The following NECTIN2 variants were observed in gnomAD, a reference collection of about 807,000 sequenced individuals.
NECTIN2 encodes the protein nectin cell adhesion molecule 2, also known as nectin-2.
NECTIN2 carries 23 observed loss-of-function variants against 56.9 expected under a neutral mutation model. The ratio of observed to expected loss-of-function variants is 0.40; its 90% CI spans 0.29 to 0.57. The LOEUF (loss-of-function observed/expected upper bound fraction) is 0.57. Among genes scored for constraint, NECTIN2 ranks in the 20% least tolerant of loss-of-function variants. NECTIN2 has a pLI of 0.38. For missense variants in NECTIN2, 587 were observed against 718.3 expected (o/e 0.82, Z 2.09); for synonymous variants, 302 against 313.8 (o/e 0.96, Z 0.40).
intron 2 of NECTIN2, among the ~76,000 whole-genome samples, chr19:44,868,484 T>G (rs1969130858): frequency 6.6e-6 from 1 of 150,646 alleles, no homozygotes; most frequent in South Asian, 2.1e-4. Flanking sequence ...TTTTTTTTCT[T>G]TTTTTGAGAC....
intron 1 of NECTIN2, among the ~76,000 whole-genome samples, chr19:44,860,771 T>G (rs1440160134): frequency 6.6e-6 from 1 of 151,900 alleles, no homozygotes; most frequent in Non-Finnish European, 1.5e-5. Flanking sequence ...ATATTTTTAG[T>G]AGAGACAGGG....
chr19:44,876,822 C>T (rs1969244475), intron 5 of NECTIN2, among the ~76,000 whole-genome samples: 1 of 152,198 alleles, frequency 6.6e-6, no homozygotes, highest in Non-Finnish European at 1.5e-5. Context: ...TCAAAGCATT[C>T]CTCCAGCTTT....
intron 1 of NECTIN2, among the ~76,000 whole-genome samples, chr19:44,864,428 AG>A (rs1205107934): frequency 6.6e-6 from 1 of 152,162 alleles, no homozygotes; most frequent in Non-Finnish European, 1.5e-5. Flanking sequence ...CCTAGGCTCA[AG>A]CATTCCTCCC....
At chr19:44,879,849 G>A (rs1445326894) in intron 5 of NECTIN2, among the ~76,000 whole-genome samples, 1 of 152,178 alleles carries the variant, frequency 6.6e-6, no homozygotes, top group Non-Finnish European at 1.5e-5. Flanking sequence ...ACCAAGCCCT[G>A]TGCCAGGCAG....
Position 44,865,003 on chromosome 19 carries a change from T to C in NECTIN2, c.89-268T>C, listed in dbSNP as rs1372342984. ...TGTGTGCACAGCCACAATTTAATTA[T>C]CACACCTCGGAACATGAACAGCAAT... is the stretch of plus-strand genomic sequence containing the variant. On this transcript the variant is annotated intron_variant, in intron 1 of 8. Coordinates refer to ENST00000252483, the MANE Select transcript of NECTIN2 (RefSeq NM_001042724.2). This position sits in a 1 kb window ranked among gnomAD's most constrained non-coding sequence, Gnocchi z 5.2. Among the ~76,000 whole-genome samples the C allele has an allele frequency of 6.6e-6, 1 of 152,210 alleles. No homozygotes were observed. Among genetic ancestry groups the C allele is most frequent in the Non-Finnish European group, 1.5e-5 (1 of 68,046 alleles).
At chr19:44,848,688 C>T (rs576356327) in intron 1 of NECTIN2, among the ~76,000 whole-genome samples, 2 of 151,874 alleles carry the variant, frequency 1.3e-5, no homozygotes, top group African/African-American at 4.8e-5. Context: ...TCTCCCCTCC[C>T]CCTCCCTGTT....
chr19:44,870,653 AG>A (rs758016972), intron 2 of NECTIN2, among the ~76,000 whole-genome samples: 19 of 151,920 alleles, frequency 1.3e-4, no homozygotes, highest in Non-Finnish European at 2.6e-4. Context: ...GAAAAGGAAC[AG>A]GGGGCCTTTC....
chr19:44,878,890 C>T, intron 5 of NECTIN2: 6 of 1,283,910 alleles, frequency 4.7e-6, no homozygotes, highest in Non-Finnish European at 5.9e-6. Flanking sequence ...TCCAGCCTTC[C>T]CCTGGCCCCG....
At chr19:44,868,680 G>A (rs1173479015) in intron 2 of NECTIN2, among the ~76,000 whole-genome samples, 2 of 151,648 alleles carry the variant, frequency 1.3e-5, no homozygotes, top group African/African-American at 2.4e-5. Flanking sequence ...TTGGGAGGCC[G>A]AGGCGGGCGG....
intron 2 of NECTIN2, among the ~76,000 whole-genome samples, chr19:44,868,339 G>A (rs1243480670): frequency 9.2e-5 from 13 of 141,210 alleles, no homozygotes; most frequent in Admixed American, 6.4e-4. Context: ...ACTCCAGCAC[G>A]AGACCCTGTC....
intron 1 of NECTIN2, among the ~76,000 whole-genome samples, chr19:44,864,337 AAAG>A: frequency 6.6e-6 from 1 of 152,244 alleles, no homozygotes; most frequent in Non-Finnish European, 1.5e-5. Context: ...AGTTGAAAGA[AAAG>A]AAAACTTTTA....
At chr19:44,887,710 A>G (rs1433214718) in intron 8 of NECTIN2, among the ~76,000 whole-genome samples, 1 of 152,156 alleles carries the variant, frequency 6.6e-6, no homozygotes, top group Admixed American at 6.5e-5. Flanking sequence ...CTGTGCCTGA[A>G]GCTGGGACAA....
intron 1 of NECTIN2, among the ~76,000 whole-genome samples, chr19:44,854,970 T>C (rs1361254315): frequency 7.0e-6 from 1 of 142,562 alleles, no homozygotes; most frequent in African/African-American, 2.6e-5. Flanking sequence ...CTAAAAAAAT[T>C]AGCCGGGCGT....
chr19:44,883,928 T>C (rs1338549079), intron 6 of NECTIN2, among the ~76,000 whole-genome samples: 3 of 151,800 alleles, frequency 2.0e-5, no homozygotes, highest in Admixed American at 1.3e-4. Context: ...GAGACCAGCC[T>C]GGGCAACATG....
intron 2 of NECTIN2, among the ~76,000 whole-genome samples, chr19:44,866,105 G>C (rs1211960891): frequency 6.6e-6 from 1 of 152,062 alleles, no homozygotes; most frequent in Non-Finnish European, 1.5e-5. Context: ...CCAGGAGGCA[G>C]AGGTTGCAGT....
At chr19:44,859,262 CT>C (rs1166879146) in intron 1 of NECTIN2, among the ~76,000 whole-genome samples, 4 of 152,184 alleles carry the variant, frequency 2.6e-5, no homozygotes, top group Non-Finnish European at 4.4e-5. Context: ...CCTATGTTTA[CT>C]TAGCAAGCAC....
At chr19:44,863,107 A>C (rs2122657057) in intron 1 of NECTIN2, among the ~76,000 whole-genome samples, 1 of 151,576 alleles carries the variant, frequency 6.6e-6, no homozygotes, top group South Asian at 2.1e-4. Flanking sequence ...GGTTGCAGTG[A>C]GCCGAGATCA....
intron 3 of NECTIN2, 82 bp from the exon 4 acceptor site, chr19:44,873,834 T>C: frequency 1.9e-6 from 2 of 1,065,714 alleles, no homozygotes; most frequent in Non-Finnish European, 2.9e-6. Flanking sequence ...CCCGTTTCTT[T>C]AGCATTCCTG....
Position 44,857,705 on chromosome 19 carries a change from G to GTTTTTTTTTT in NECTIN2, c.89-7561_89-7560insTTTTTTTTTT, listed in dbSNP as rs752045466. 2.5e-5 allele frequency among the ~76,000 whole-genome samples: 3 copies of GTTTTTTTTTT among 118,598 alleles called. 1 individual carries two copies. Among genetic ancestry groups the GTTTTTTTTTT allele is most frequent in the Non-Finnish European group, 3.5e-5 (2 of 57,782 alleles). The allele number at this position is 118,598 out of a possible 152,430, so 77.8% of individuals were successfully genotyped here. ...GCGTGAGCCATCGTGCCGGGTTTTT[G>GTTTTTTTTTT]TTTTTGTTTTTTTTTTTTTAAGAGA... On this transcript the variant is annotated intron_variant, in intron 1 of 8. Transcript: ENST00000252483.
Sources: gnomAD v4.1 joint callset for allele counts (sites outside exome capture counted in the v4.1 genomes callset) on GRCh38, gnomAD v4.1.1 for gene constraint, Gnocchi (gnomAD v3.1) non-coding constraint, MANE v1.5 for transcripts, NCBI Gene and HGNC (gene_info 2026-07-23, HGNC 2026-07-21) for gene names.